PEBP4: variants seen among roughly 807,000 people sequenced by gnomAD.
The protein encoded by PEBP4 is phosphatidylethanolamine binding protein 4.
A neutral mutation model predicts 23.9 loss-of-function variants in PEBP4; 22 were observed. The ratio of observed to expected loss-of-function variants is 0.92; its 90% CI spans 0.66 to 1.31. The LOEUF is 1.31. Among genes scored for constraint, PEBP4 ranks in the 40% most tolerant of loss-of-function variants. The probability of loss-of-function intolerance (pLI) is 0.00; values close to 1 mark genes in which losing one functional copy is unlikely to be tolerated. For missense variants in PEBP4, 324 were observed against 281.7 expected, an observed-to-expected ratio of 1.15 and a Z score of -1.07; for synonymous variants, 112 against 99.3, an observed-to-expected ratio of 1.13 and a Z score of -0.76.
chr8:22,758,611 C>G (rs1448469874), intron 4 of PEBP4, among the ~76,000 whole-genome samples: 2 of 152,206 alleles, frequency 1.3e-5, no homozygotes, highest in Non-Finnish European at 1.5e-5. Flanking sequence ...TTAGGCCACT[C>G]ACTTGGCCTG....
At position 22,882,853 on chromosome 8, in the gene PEBP4, G is replaced by A. The variant is rs115286980; in HGVS notation, c.258+37331C>T. ...CCCAGGGTGGGTACTAGACCACTAG[G>A]AACAGTCCTTATACCCAGAGCCTAT... On this transcript the variant is annotated intron_variant, in intron 3 of 6. Coordinates refer to ENST00000256404, the MANE Select transcript of PEBP4 (RefSeq NM_144962.3). Among the ~76,000 whole-genome samples, 919 of 152,206 alleles carry A rather than the reference G, an allele frequency of 6.0e-3. 3 individuals are homozygous for A. Among genetic ancestry groups the A allele is most frequent in the African/African-American group, 0.021 (876 of 41,500 alleles).
intron 3 of PEBP4, among the ~76,000 whole-genome samples, chr8:22,870,946 G>A (rs373802483): frequency 3.4e-4 from 52 of 152,114 alleles, no homozygotes; most frequent in African/African-American, 1.1e-3. Flanking sequence ...CATTGATGAA[G>A]GTGGAAAGGG....
rs550310165 is a variant in PEBP4, at chr8:22,853,396, T to G, written c.259-35661A>C. On this transcript the variant is annotated intron_variant, in intron 3 of 6. Coordinates refer to ENST00000256404, the MANE Select transcript of PEBP4 (RefSeq NM_144962.3). ...ACCTGGAGCATTATTTCTGCTTTCA[T>G]ACTAAAGGAAGTCAATGCCGGGCAC... Among the ~76,000 whole-genome samples, 251 of 152,374 alleles carry G rather than the reference T, an allele frequency of 1.6e-3. No homozygotes were observed. The South Asian group carries it at 0.021, about 12-fold the overall frequency.
intron 4 of PEBP4, among the ~76,000 whole-genome samples, chr8:22,812,386 T>C (rs1386136130): frequency 6.6e-6 from 1 of 152,208 alleles, no homozygotes; most frequent in Non-Finnish European, 1.5e-5. Context: ...TCCGAGCTCT[T>C]TCCCTTTCCC....
chr8:22,808,249 A>G (rs946991892), intron 4 of PEBP4, among the ~76,000 whole-genome samples: 1 of 151,166 alleles, frequency 6.6e-6, no homozygotes, highest in African/African-American at 2.4e-5. Context: ...CCATCCATCC[A>G]TCCCTCCATC....
At chr8:22,850,542 A>T (rs1048580257) in intron 3 of PEBP4, among the ~76,000 whole-genome samples, 1 of 151,906 alleles carries the variant, frequency 6.6e-6, no homozygotes, top group South Asian at 2.1e-4. Flanking sequence ...GTCTGAAAAC[A>T]TCTCCATGGC....
At chr8:22,838,743 C>A (rs1220484747) in intron 3 of PEBP4, among the ~76,000 whole-genome samples, 1 of 152,274 alleles carries the variant, frequency 6.6e-6, no homozygotes, top group African/African-American at 2.4e-5. Context: ...CTGCTCTCGG[C>A]CTAAGCCGCC....
chr8:22,808,188 T>A (rs1260328070), intron 4 of PEBP4, among the ~76,000 whole-genome samples: 1 of 143,698 alleles, frequency 7.0e-6, no homozygotes, highest in Non-Finnish European at 1.5e-5. Flanking sequence ...CATCCACCTA[T>A]CCAACTTCCA....
intron 4 of PEBP4, among the ~76,000 whole-genome samples, chr8:22,772,933 G>T (rs1805744645): frequency 6.6e-6 from 1 of 152,198 alleles, no homozygotes; most frequent in South Asian, 2.1e-4. Flanking sequence ...AGTCTTGGCT[G>T]CTGTGAGCTG....
chr8:22,908,525 G>C (rs770109350), intron 3 of PEBP4, among the ~76,000 whole-genome samples: 3 of 152,286 alleles, frequency 2.0e-5, no homozygotes, highest in Non-Finnish European at 4.4e-5. Context: ...CCATTTTAAG[G>C]TGAGGAAAAG....
chr8:22,859,724 T>G (rs991771046), intron 3 of PEBP4, among the ~76,000 whole-genome samples: 3 of 152,142 alleles, frequency 2.0e-5, no homozygotes, highest in African/African-American at 7.2e-5. Context: ...TTGCCTCATC[T>G]CCTATTATGT....
At chr8:22,932,012 T>C (rs1045633044), upstream of PEBP4, among the ~76,000 whole-genome samples, 3 of 152,230 alleles carry the variant, frequency 2.0e-5, no homozygotes, top group African/African-American at 4.8e-5. Flanking sequence ...AGTCCAGTAA[T>C]CTGGCTACTC....
chr8:22,903,787 G>C lies in PEBP4; in HGVS notation c.258+16397C>G, dbSNP rs574147958. Among the ~76,000 whole-genome samples, 13 of 152,338 alleles carry C rather than the reference G, an allele frequency of 8.5e-5. No homozygotes were observed. The South Asian group carries it at 2.7e-3, about 32-fold the overall frequency. On this transcript the variant is annotated intron_variant, in intron 3 of 6. Coordinates refer to ENST00000256404, the MANE Select transcript of PEBP4 (RefSeq NM_144962.3). ...ATCCTCCCAGAATAGGCATAGGAAA[G>C]TGCCCTTGCAACTGGGCCAGGGTTA...
At chr8:22,854,913 G>T (rs1173998473) in intron 3 of PEBP4, among the ~76,000 whole-genome samples, 2 of 144,922 alleles carry the variant, frequency 1.4e-5, no homozygotes, top group Non-Finnish European at 3.0e-5. Flanking sequence ...ACTAGCAGAA[G>T]GGTGAGATTA....
chr8:22,878,210 TGGAGAGGGAGGG>T (rs572036358), intron 3 of PEBP4: 2 of 115,678 alleles, frequency 1.7e-5, no homozygotes, highest in African/African-American at 6.5e-5. Flanking sequence ...AGGGTGAGCA[TGGAGAGGGAGGG>T]GGAGAGGGAG....
chr8:22,831,448 T>C (rs1404718190), intron 3 of PEBP4, among the ~76,000 whole-genome samples: 1 of 152,122 alleles, frequency 6.6e-6, no homozygotes, highest in Non-Finnish European at 1.5e-5. Flanking sequence ...TTTGAATAAA[T>C]AAATTATATA....
chr8:22,836,111 G>C (rs962393629), intron 3 of PEBP4, among the ~76,000 whole-genome samples: 1 of 152,214 alleles, frequency 6.6e-6, no homozygotes, highest in African/African-American at 2.4e-5. Context: ...GTGCAGCCTT[G>C]GGCAAGTTGC....
intron 4 of PEBP4, among the ~76,000 whole-genome samples, chr8:22,808,692 C>T (rs1017769565): frequency 6.6e-6 from 1 of 152,118 alleles, no homozygotes; most frequent in African/African-American, 2.4e-5. Context: ...TCCCAATTCC[C>T]ACAGCAATTT....
At chr8:22,856,345 G>C (rs374353531) in intron 3 of PEBP4, among the ~76,000 whole-genome samples, 1 of 152,132 alleles carries the variant, frequency 6.6e-6, no homozygotes, top group South Asian at 2.1e-4. Context: ...CTAAAATACA[G>C]TGTTGATGAA....
Sources: gnomAD v4.1 joint callset for allele counts (sites outside exome capture counted in the v4.1 genomes callset) on GRCh38, gnomAD v4.1.1 for gene constraint, MANE v1.5 for transcripts, NCBI Gene and HGNC (gene_info 2026-07-23, HGNC 2026-07-21) for gene names.